Variants in PDE4D observed in about 807,000 individuals in gnomAD.
The protein encoded by PDE4D is phosphodiesterase 4D.
A neutral mutation model predicts 87.4 loss-of-function variants in PDE4D; 24 were observed. The ratio of observed to expected loss-of-function variants is 0.27; its 90% confidence interval spans 0.20 to 0.39. The LOEUF is 0.39. Among genes scored for constraint, PDE4D ranks in the 10% least tolerant of loss-of-function variants. The pLI is 1.00. For synonymous variants in PDE4D, 384 were observed against 383.2 expected (o/e 1.00, Z -0.02); for missense variants, 714 against 1,041.0 (o/e 0.69, Z 4.32).
chr5:60,132,302 T>A (rs1171514640), intron 2 of PDE4D, among the ~76,000 whole-genome samples: 2 of 152,204 alleles, frequency 1.3e-5, no homozygotes, highest in Non-Finnish European at 2.9e-5. Context: ...AATTTGTTAG[T>A]GTAATCCCTG....
chr5:59,617,119 A>G (rs1829804237), intron 1 of PDE4D, among the ~76,000 whole-genome samples: 1 of 151,594 alleles, frequency 6.6e-6, no homozygotes, highest in Non-Finnish European at 1.5e-5. Context: ...CAACATGTCT[A>G]AAAGTCTTAT....
At chr5:60,229,640 G>C (rs1745571124) in intron 1 of PDE4D, among the ~76,000 whole-genome samples, 1 of 152,080 alleles carries the variant, frequency 6.6e-6, no homozygotes, top group African/African-American at 2.4e-5. Flanking sequence ...ATGCTATCAA[G>C]ACAGGTCTCC....
At chr5:59,488,683 T>A (rs1169118063) in intron 1 of PDE4D, among the ~76,000 whole-genome samples, 1 of 151,884 alleles carries the variant, frequency 6.6e-6, no homozygotes, top group South Asian at 2.1e-4. Context: ...CTTCTTTTTT[T>A]TTTTTTGAGG....
intron 1 of PDE4D, among the ~76,000 whole-genome samples, chr5:59,717,429 TATAA>T (rs1027583680): frequency 1.3e-5 from 2 of 152,236 alleles, no homozygotes; most frequent in African/African-American, 4.8e-5. Flanking sequence ...CTTTATTTCT[TATAA>T]ATACTGTTTG....
At chr5:59,426,449 C>T (rs2702369) in intron 1 of PDE4D, among the ~76,000 whole-genome samples, 12 of 151,860 alleles carry the variant, frequency 7.9e-5, no homozygotes, top group African/African-American at 2.4e-4. Context: ...CTGATCCCAG[C>T]GATAATAGGG....
At chr5:59,867,085 C>G (rs1747143408) in intron 1 of PDE4D, among the ~76,000 whole-genome samples, 1 of 152,030 alleles carries the variant, frequency 6.6e-6, no homozygotes, top group Non-Finnish European at 1.5e-5. Context: ...GCACAGGTCA[C>G]CTATATCTGG....
At position 60,474,122 on chromosome 5, in the gene PDE4D, A is replaced by G. The variant is rs372761636; in HGVS notation, c.-90+13820T>C. Among the ~76,000 whole-genome samples, 18 of 91,844 alleles carry G rather than the reference A, an allele frequency of 2.0e-4. 1 individual carries two copies. The East Asian group carries it at 2.7e-3, about 14-fold the overall frequency. The allele number at this position is 91,844 out of a possible 152,430, so 60.3% of individuals were successfully genotyped here. A position where few individuals can be genotyped will look rare whatever the true frequency, so the allele number is the denominator to read the frequency against. On this transcript the variant is annotated intron_variant, in intron 1 of 16. Transcript: ENST00000502484. ...TGAGCTGCCATATATATATATATAT[A>G]TATATATATATATATATATATATAT...
rs369726464 is a variant in PDE4D at position 59,143,851 on chromosome 5, A to G, written c.808+36744T>C. ...AGACCTAGAACTTGGAACCAATAAT[A>G]AATTGGTGGGCTTTGAACTTGGAAA... On this transcript the variant is annotated intron_variant, in intron 5 of 14. Coordinates refer to ENST00000340635, the MANE Select transcript of PDE4D (RefSeq NM_001104631.2). Among the ~76,000 whole-genome samples the G allele has an allele frequency of 2.0e-5, 3 of 152,246 alleles. No individual in the cohort carries two copies. In the East Asian group the frequency reaches 5.8e-4, roughly 29 times the overall value.
intron 1 of PDE4D, among the ~76,000 whole-genome samples, chr5:59,723,154 G>T (rs1181790965): frequency 6.6e-6 from 1 of 151,988 alleles, no homozygotes; most frequent in Non-Finnish European, 1.5e-5. Context: ...CAGGAAAAGA[G>T]AATCTGCATA....
intron 1 of PDE4D, among the ~76,000 whole-genome samples, chr5:59,790,769 A>G (rs1003157355): frequency 6.6e-6 from 1 of 152,076 alleles, no homozygotes; most frequent in Non-Finnish European, 1.5e-5. Flanking sequence ...CTAATATGCA[A>G]TTCATTGTGA....
chr5:59,674,997 C>T (rs772262855), intron 1 of PDE4D, among the ~76,000 whole-genome samples: 4 of 152,176 alleles, frequency 2.6e-5, no homozygotes, highest in Non-Finnish European at 4.4e-5. Context: ...TTATGAATCA[C>T]ATACTATCTA....
chr5:59,452,202 C>T (rs955317138), intron 1 of PDE4D, among the ~76,000 whole-genome samples: 3 of 152,110 alleles, frequency 2.0e-5, no homozygotes, highest in Non-Finnish European at 4.4e-5. Flanking sequence ...TCCATTGATA[C>T]ATTTATATTC....
intron 1 of PDE4D, among the ~76,000 whole-genome samples, chr5:59,288,245 G>A (rs1224207963): frequency 1.3e-5 from 2 of 151,864 alleles, no homozygotes; most frequent in Non-Finnish European, 2.9e-5. Context: ...ATTCAACAAA[G>A]AGATTAAAAT....
intron 3 of PDE4D, among the ~76,000 whole-genome samples, chr5:59,953,655 T>C (rs1484564695): frequency 2.0e-5 from 3 of 152,186 alleles, no homozygotes; most frequent in Non-Finnish European, 4.4e-5. Flanking sequence ...GCCCAGCGCT[T>C]ATCAAATTAT....
chr5:60,217,403 T>A (rs938103736), intron 1 of PDE4D, among the ~76,000 whole-genome samples: 1 of 152,040 alleles, frequency 6.6e-6, no homozygotes, highest in Admixed American at 6.5e-5. Context: ...ATGGCCAAGA[T>A]GGTAAATTTT....
chr5:60,273,643 A>C (rs1170631176), intron 1 of PDE4D, among the ~76,000 whole-genome samples: 1 of 152,194 alleles, frequency 6.6e-6, no homozygotes, highest in Non-Finnish European at 1.5e-5. Context: ...GTAGAGGCAA[A>C]ATGGTGAAAA....
chr5:60,435,894 G>C lies in PDE4D; in HGVS notation c.-90+52048C>G, dbSNP rs577480451. ...TTCTTAAGCTAACATTTATTAAACA[G>C]AACAAAAAAGACAGATCTTTAATTT... On this transcript the variant is annotated intron_variant, in intron 1 of 16. Coordinates refer to the PDE4D transcript ENST00000502484. Among the ~76,000 whole-genome samples the C allele has an allele frequency of 1.2e-4, 18 of 152,062 alleles. No individual in the cohort carries two copies. In the South Asian group the frequency reaches 3.5e-3, roughly 30 times the overall value.
chr5:59,777,614 T>G (rs1317527353), intron 1 of PDE4D, among the ~76,000 whole-genome samples: 1 of 152,176 alleles, frequency 6.6e-6, no homozygotes, highest in East Asian at 1.9e-4. Context: ...GTCCATAGAT[T>G]GCTCCATATG....
intron 5 of PDE4D, among the ~76,000 whole-genome samples, chr5:59,047,402 T>C (rs1760875811): frequency 6.6e-6 from 1 of 152,152 alleles, no homozygotes; most frequent in Admixed American, 6.5e-5. Flanking sequence ...AAGATAAAGA[T>C]GGAGAACTAG....
Sources: allele counts gnomAD v4.1 joint callset (sites outside exome capture counted in the v4.1 genomes callset), GRCh38; gene constraint gnomAD v4.1.1; transcripts MANE v1.5; gene names NCBI Gene and HGNC (gene_info 2026-07-23, HGNC 2026-07-21).